SEC24B: variants seen among roughly 807,000 people sequenced by gnomAD.
SEC24B encodes the protein SEC24 homolog B, COPII component.
A neutral mutation model predicts 142.8 loss-of-function variants in SEC24B; 45 were observed. The observed-to-expected ratio is 0.32, with a 90% CI of 0.25 to 0.40. SEC24B has a LOEUF of 0.40. SEC24B is among the 10% of genes least tolerant of loss of function. SEC24B has a pLI of 1.00. For missense variants in SEC24B, 1,409 were observed against 1,526.8 expected (o/e 0.92, Z 1.29); for synonymous variants, 574 against 568.2 (o/e 1.01, Z -0.15).
chr4:109,486,952 G>A (rs1364646836), intron 4 of SEC24B, among the ~76,000 whole-genome samples: 1 of 152,088 alleles, frequency 6.6e-6, no homozygotes, highest in Non-Finnish European at 1.5e-5. Context: ...ATCACCTGAG[G>A]TCAGGAGTTT....
At chr4:109,524,661 C>A (rs1724020396) in intron 14 of SEC24B, among the ~76,000 whole-genome samples, 157 bp from the exon 15 acceptor site, 1 of 150,216 alleles carries the variant, frequency 6.7e-6, no homozygotes, top group African/African-American at 2.4e-5. Context: ...GATTATCTAT[C>A]ATTATTATTA....
chr4:109,514,938 G>C (rs1737771718), intron 10 of SEC24B, among the ~76,000 whole-genome samples: 1 of 151,790 alleles, frequency 6.6e-6, no homozygotes, highest in South Asian at 2.1e-4. Flanking sequence ...ACTTTATCTT[G>C]ATCACTTTTA....
At chr4:109,483,003 C>CACACACACACATAT (rs1408633373) in intron 4 of SEC24B, among the ~76,000 whole-genome samples, 25 of 84,058 alleles carry the variant, frequency 3.0e-4, no homozygotes, top group South Asian at 6.9e-4. Context: ...CACACACACA[C>CACACACACACATAT]ATATTATACA....
At chr4:109,516,063 T>G (rs1482750776) in intron 10 of SEC24B, among the ~76,000 whole-genome samples, 2 of 151,942 alleles carry the variant, frequency 1.3e-5, no homozygotes, top group Non-Finnish European at 2.9e-5. Context: ...AAAAGAAAAG[T>G]ATTTATAATA....
chr4:109,486,704 G>A (rs999686214), intron 4 of SEC24B, among the ~76,000 whole-genome samples: 6 of 152,204 alleles, frequency 3.9e-5, no homozygotes, highest in African/African-American at 1.4e-4. Context: ...CAAGGATTAA[G>A]CATGGGACAA....
chr4:109,486,571 C>T lies in SEC24B; in HGVS notation c.1166-4756C>T, dbSNP rs144944602. On this transcript the variant is annotated intron_variant, in intron 4 of 23. Coordinates refer to ENST00000265175, the MANE Select transcript of SEC24B (RefSeq NM_006323.5). Reference sequence around the variant, plus strand: ...CTTCTTTCAAGCTGTAACATAGAGCCAGTAGAAGAATGAGAGAAAATTATT... The same window carrying T: ...CTTCTTTCAAGCTGTAACATAGAGCTAGTAGAAGAATGAGAGAAAATTATT... Among the ~76,000 whole-genome samples the T allele has an allele frequency of 4.2e-3, 641 of 152,174 alleles. 3 individuals carry two copies. The highest frequency in any genetic ancestry group is 0.014 in the African/African-American group (598 of 41,514).
intron 22 of SEC24B, among the ~76,000 whole-genome samples, chr4:109,536,171 A>G (rs1385868475): frequency 6.6e-6 from 1 of 152,226 alleles, no homozygotes; most frequent in East Asian, 1.9e-4. Context: ...TAATGTCAGC[A>G]AAGGGGGAAA....
intron 1 of SEC24B, among the ~76,000 whole-genome samples, chr4:109,455,307 TGGTG>T (rs899622307): frequency 1.3e-4 from 20 of 152,180 alleles, no homozygotes; most frequent in Admixed American, 9.2e-4. Context: ...TGGTGTGTGG[TGGTG>T]CGATCTTGGC....
Position 109,444,179 on chromosome 4 carries a change from G to A in SEC24B, c.133+10177G>A, listed in dbSNP as rs1729207397. ...GGAGGTTGCAGTGAACCGTGATCATGCCATCGCCTGGGCAACAAGAGCTAA... is the reference window on the plus strand; with the variant it reads ...GGAGGTTGCAGTGAACCGTGATCATACCATCGCCTGGGCAACAAGAGCTAA... On this transcript the variant is annotated intron_variant, in intron 1 of 23. Transcript: ENST00000265175. Among the ~76,000 whole-genome samples, 3 of 146,352 alleles carry A rather than the reference G, an allele frequency of 2.0e-5. No individual in the cohort carries two copies. In the Admixed American group the frequency reaches 2.1e-4, roughly 10 times the overall value.
At chr4:109,463,753 G>A (rs955605804) in intron 2 of SEC24B, 109 bp downstream of exon 2, 11 of 1,470,842 alleles carry the variant, frequency 7.5e-6, no homozygotes, top group African/African-American at 7.1e-5. Context: ...AGAAAAACTG[G>A]AAGTTTGCTA....
chr4:109,499,074 A>T (rs1477215032), intron 6 of SEC24B, among the ~76,000 whole-genome samples: 2 of 152,200 alleles, frequency 1.3e-5, no homozygotes, highest in East Asian at 3.8e-4. Flanking sequence ...AAATACTAAT[A>T]AATATTAACC....
At chr4:109,456,943 T>C (rs1730748931) in intron 1 of SEC24B, among the ~76,000 whole-genome samples, 1 of 152,214 alleles carries the variant, frequency 6.6e-6, no homozygotes, top group Non-Finnish European at 1.5e-5. Context: ...TGTGAGTGCA[T>C]GGTGGTGAAG....
chr4:109,479,448 G>A (rs1733504382), intron 3 of SEC24B, among the ~76,000 whole-genome samples: 1 of 152,086 alleles, frequency 6.6e-6, no homozygotes, highest in Admixed American at 6.6e-5. Context: ...GGCTCTTAAA[G>A]AGAATCTGAA....
At chr4:109,532,788 CAA>C (rs769869150) in intron 21 of SEC24B, 45 bp downstream of exon 21, 2 of 981,386 alleles carry the variant, frequency 2.0e-6, no homozygotes. Context: ...TTGAGCTGAC[CAA>C]AAACAAAGAA....
At chr4:109,516,939 G>A (rs1035978170) in intron 11 of SEC24B, among the ~76,000 whole-genome samples, 25 of 152,216 alleles carry the variant, frequency 1.6e-4, no homozygotes, top group South Asian at 6.2e-4. Context: ...CCAGTATATC[G>A]GGAATCTGGA....
Position 109,441,143 on chromosome 4 carries a change from G to C in SEC24B, c.133+7141G>C, listed in dbSNP as rs545539466. On this transcript the variant is annotated intron_variant, in intron 1 of 23. Transcript: ENST00000265175. ...TAGCGAGAGGGAGTGGTAAAATCAT[G>C]TCTTGCCTAGCCAGTGGCCAAGTCT... Among the ~76,000 whole-genome samples the C allele has an allele frequency of 2.0e-3, 300 of 152,314 alleles. 1 individual carries two copies. The highest frequency in any genetic ancestry group is 6.9e-3 in the African/African-American group (287 of 41,568).
rs960602897 is a variant in SEC24B, at chr4:109,462,978, T to A, written c.211T>A (p.Tyr71Asn). Residue 71 changes from tyrosine to asparagine, a missense_variant, in exon 2 of 24, where the codon TAC becomes AAC. By Grantham distance (143) the Tyr-to-Asn change is moderately radical (BLOSUM62 -2). Around this residue, in one of 2 missense-constraint regions of SEC24B, gnomAD observed 709 missense variants for 673.5 expected, o/e 1.05. Coordinates refer to ENST00000265175, the MANE Select transcript of SEC24B (RefSeq NM_006323.5). ...AAACTATATTGCTCCCTCAGGACAT[T>A]ACTCTCAAGGACCTGGGAAAATGAC... ...HQNYIAPSGHYSQGPGKMTSL... is the reference protein window; with the variant it reads ...HQNYIAPSGHNSQGPGKMTSL... 1 of 1,614,056 alleles carries A rather than the reference T, an allele frequency of 6.2e-7. No homozygotes were observed. The highest frequency in any genetic ancestry group is 8.5e-7 in the Non-Finnish European group (1 of 1,180,028).
At chr4:109,446,248 C>G (rs1351663826) in intron 1 of SEC24B, among the ~76,000 whole-genome samples, 1 of 152,114 alleles carries the variant, frequency 6.6e-6, no homozygotes, top group Non-Finnish European at 1.5e-5. Context: ...ATTAGAGAGA[C>G]ACAGGACAAG....
Position 109,503,066 on chromosome 4 carries a change from T to C in SEC24B, c.1489-3262T>C, listed in dbSNP as rs554592429. Among the ~76,000 whole-genome samples, 6 of 150,746 alleles carry C rather than the reference T, an allele frequency of 4.0e-5. No homozygotes were observed. The East Asian group carries it at 7.7e-4, about 19-fold the overall frequency. ...TATTTTGTAATTTCTTTCTTTCTTTTTTTTTTTTTTTGAGACGGAGTCTTG... is the reference window on the plus strand; with the variant it reads ...TATTTTGTAATTTCTTTCTTTCTTTCTTTTTTTTTTTGAGACGGAGTCTTG... On this transcript the variant is annotated intron_variant, in intron 6 of 23. Transcript: ENST00000265175.
Sources: gnomAD v4.1 joint callset for allele counts (sites outside exome capture counted in the v4.1 genomes callset) on GRCh38, gnomAD v4.1.1 for gene constraint, gnomAD v4.1.1 regional missense constraint, MANE v1.5 for transcripts, NCBI Gene and HGNC (gene_info 2026-07-23, HGNC 2026-07-21) for gene names.